Variants in CDH12 observed in about 807,000 individuals in gnomAD.
The protein encoded by CDH12 is cadherin-12.
CDH12 carries 41 observed loss-of-function variants against 74.1 expected under a neutral mutation model. The observed-to-expected ratio is 0.55, with a 90% CI of 0.43 to 0.72. The LOEUF is 0.72. Ranked by LOEUF, CDH12 falls within the 30% of genes least tolerant of loss-of-function variation. CDH12 has a pLI of 0.00. For missense variants in CDH12, 945 were observed against 977.2 expected (o/e 0.97, Z 0.44); for synonymous variants, 399 against 355.0 (o/e 1.12, Z -1.39).
intron 4 of CDH12, among the ~76,000 whole-genome samples, chr5:22,125,344 A>G (rs1745789815): frequency 6.6e-6 from 1 of 151,968 alleles, no homozygotes; most frequent in South Asian, 2.1e-4. Context: ...CCCACTTATG[A>G]GTGAGAACAT....
At chr5:21,912,003 TAAAGAG>T (rs1753879321) in intron 6 of CDH12, among the ~76,000 whole-genome samples, 1 of 152,146 alleles carries the variant, frequency 6.6e-6, no homozygotes, top group Non-Finnish European at 1.5e-5. Context: ...TGGAAGCTTA[TAAAGAG>T]AAACAAGTTA....
At chr5:22,173,808 A>T (rs1381291248) in intron 4 of CDH12, among the ~76,000 whole-genome samples, 2 of 151,836 alleles carry the variant, frequency 1.3e-5, no homozygotes, top group African/African-American at 4.8e-5. Context: ...TTGCAATACT[A>T]ATTAGTATTT....
intron 5 of CDH12, among the ~76,000 whole-genome samples, chr5:22,032,212 T>G (rs1010429633): frequency 1.3e-5 from 2 of 151,970 alleles, no homozygotes; most frequent in African/African-American, 4.8e-5. Context: ...GCATATCTAG[T>G]TAAAAAGAAA....
intron 4 of CDH12, among the ~76,000 whole-genome samples, chr5:22,136,387 G>A (rs1231991290): frequency 2.6e-5 from 4 of 151,856 alleles, no homozygotes; most frequent in Non-Finnish European, 4.4e-5. Flanking sequence ...TTATAAATGA[G>A]AGCAGATGAG....
chr5:22,061,173 T>C (rs913200146), intron 5 of CDH12, among the ~76,000 whole-genome samples: 10 of 152,178 alleles, frequency 6.6e-5, no homozygotes, highest in African/African-American at 9.7e-5. Context: ...ATATATGTTA[T>C]GTAGGAAATT....
chr5:22,576,349 G>T (rs1184210685), intron 1 of CDH12, among the ~76,000 whole-genome samples: 2 of 152,150 alleles, frequency 1.3e-5, no homozygotes, highest in African/African-American at 2.4e-5. Context: ...GAGAGGAAAA[G>T]ACCATGGAAG....
At chr5:22,062,063 A>G (rs1561070666) in intron 5 of CDH12, among the ~76,000 whole-genome samples, 1 of 152,134 alleles carries the variant, frequency 6.6e-6, no homozygotes, top group Non-Finnish European at 1.5e-5. Context: ...AAGGAAGAAA[A>G]AAGAAAATAA....
intron 4 of CDH12, among the ~76,000 whole-genome samples, chr5:22,160,812 T>C (rs191036297): frequency 5.3e-4 from 81 of 152,276 alleles, no homozygotes; most frequent in African/African-American, 1.9e-3. Context: ...TCACGACTAA[T>C]CAGCTCCTAA....
chr5:22,824,905 T>G (rs147651892), intron 1 of CDH12, among the ~76,000 whole-genome samples: 3 of 151,742 alleles, frequency 2.0e-5, no homozygotes, highest in Non-Finnish European at 2.9e-5. Context: ...CCAAAATTTA[T>G]ATATCTATAG....
chr5:22,042,192 C>T (rs1739621449), intron 5 of CDH12, among the ~76,000 whole-genome samples: 1 of 151,574 alleles, frequency 6.6e-6, no homozygotes, highest in Non-Finnish European at 1.5e-5. Flanking sequence ...CAAATGCCTA[C>T]ATTAAAAAAA....
At chr5:22,301,053 G>C (rs1042390718) in intron 3 of CDH12, among the ~76,000 whole-genome samples, 2 of 20,288 alleles carry the variant, frequency 9.9e-5, no homozygotes, top group Non-Finnish European at 2.0e-4. Flanking sequence ...CATAATAGCA[G>C]TGAAGGTATT....
chr5:22,410,762 T>C (rs547295368), intron 2 of CDH12, among the ~76,000 whole-genome samples: 2 of 152,186 alleles, frequency 1.3e-5, no homozygotes, highest in Admixed American at 1.3e-4. Flanking sequence ...AAGAAGATTA[T>C]TCTTTAAAAA....
intron 12 of CDH12, among the ~76,000 whole-genome samples, chr5:21,762,870 C>T (rs1171127261): frequency 2.5e-5 from 3 of 121,104 alleles, no homozygotes; most frequent in Non-Finnish European, 3.4e-5. Context: ...AGCTAAAGAA[C>T]TGGCTTTTTT....
chr5:22,307,357 T>A (rs981088587), intron 3 of CDH12, among the ~76,000 whole-genome samples: 1 of 152,176 alleles, frequency 6.6e-6, no homozygotes, highest in Non-Finnish European at 1.5e-5. Context: ...GTCTTTAAAA[T>A]TGTTTTTACT....
intron 4 of CDH12, among the ~76,000 whole-genome samples, chr5:22,079,395 A>G (rs922454184): frequency 6.6e-6 from 1 of 152,222 alleles, no homozygotes; most frequent in Non-Finnish European, 1.5e-5. Context: ...TGCCAAAATT[A>G]AGAACCACAA....
At position 21,846,013 on chromosome 5, in the gene CDH12, A is replaced by G. The variant is rs1471828330; in HGVS notation, c.647-3685T>C. 2.0e-5 allele frequency among the ~76,000 whole-genome samples: 3 copies of G among 152,142 alleles called. No individual in the cohort carries two copies. In the East Asian group the frequency reaches 5.8e-4, roughly 29 times the overall value. ...TACCTAGGAGCCAGGCATGTTCAAC[A>G]TGGAGGCTCTGTCTTCCCTTTTCTT... On this transcript the variant is annotated intron_variant, in intron 7 of 14. Transcript: ENST00000382254.
At chr5:21,996,532 C>A (rs552738280) in intron 5 of CDH12, among the ~76,000 whole-genome samples, 208 of 152,216 alleles carry the variant, frequency 1.4e-3, no homozygotes, top group African/African-American at 4.8e-3. Flanking sequence ...TTCCATAGAG[C>A]AAGTTAATTA....
chr5:22,275,965 C>T (rs1307604807), intron 3 of CDH12, among the ~76,000 whole-genome samples: 1 of 151,902 alleles, frequency 6.6e-6, no homozygotes, highest in Non-Finnish European at 1.5e-5. Context: ...ATATGGAGAA[C>T]TATTAAAGGG....
chr5:22,603,014 A>G (rs1736922944), intron 1 of CDH12, among the ~76,000 whole-genome samples: 1 of 152,212 alleles, frequency 6.6e-6, no homozygotes, highest in Non-Finnish European at 1.5e-5. Flanking sequence ...CTTAGATGTA[A>G]GAGGCTGATC....
Sources: allele counts gnomAD v4.1 joint callset (sites outside exome capture counted in the v4.1 genomes callset), GRCh38; gene constraint gnomAD v4.1.1; transcripts MANE v1.5; gene names NCBI Gene and HGNC (gene_info 2026-07-23, HGNC 2026-07-21).